Variants in COL4A2 observed in about 807,000 individuals in gnomAD.
COL4A2 encodes the protein collagen alpha-2(IV) chain.
In COL4A2, 99 loss-of-function variants were observed where a neutral mutation model predicts 200.2. The observed-to-expected ratio is 0.49, with a 90% CI of 0.42 to 0.58. The LOEUF (loss-of-function observed/expected upper bound fraction) is 0.58. Among genes scored for constraint, COL4A2 ranks in the 20% least tolerant of loss-of-function variants. COL4A2 has a pLI of 0.00. For synonymous variants in COL4A2, 897 were observed against 900.6 expected (o/e 1.00, Z 0.07); for missense variants, 1,950 against 2,314.1 (o/e 0.84, Z 3.23).
Position 110,449,694 on chromosome 13 carries a change from C to G in COL4A2, c.1094C>G (p.Pro365Arg). Residue 365 changes from proline to arginine, a missense_variant, in exon 19 of 48, where the codon CCG becomes CGG. This residue lies in a region of COL4A2 where 565 missense variants were observed against 593.5 expected (regional missense o/e 0.95). Transcript: ENST00000360467. The part of the protein sequence containing the change: ...PSLAKGARGD[P>R]GFPGAQGEPG... ...TCCCTTCCAGGTGCCAGAGGTGACCCGGGATTCCCAGGGGCCCAAGGGGAG... is the reference window on the plus strand; with the variant it reads ...TCCCTTCCAGGTGCCAGAGGTGACCGGGGATTCCCAGGGGCCCAAGGGGAG... 23 of 1,548,710 alleles carry G rather than the reference C, an allele frequency of 1.5e-5. No homozygotes were observed. The highest frequency in any genetic ancestry group is 2.0e-5 in the Non-Finnish European group (23 of 1,145,404).
chr13:110,324,493 G>T (rs1885354740), intron 3 of COL4A2, among the ~76,000 whole-genome samples: 1 of 152,246 alleles, frequency 6.6e-6, no homozygotes, highest in African/African-American at 2.4e-5. Flanking sequence ...TCGCCTGAAT[G>T]CATGAGAAAG....
At chr13:110,436,091 T>C in intron 12 of COL4A2, 178 bp from the exon 13 acceptor site, 1 of 920,282 alleles carries the variant, frequency 1.1e-6, no homozygotes, top group Non-Finnish European at 1.7e-6. Context: ...AAGGAGGATA[T>C]AAAAAACTTA....
chr13:110,372,236 G>A (rs1878044225), intron 4 of COL4A2, among the ~76,000 whole-genome samples: 1 of 152,226 alleles, frequency 6.6e-6, no homozygotes, highest in Non-Finnish European at 1.5e-5. Context: ...AGAGGACCCT[G>A]TGCGGGGGTG....
At chr13:110,434,566 A>G (rs1880802458) in intron 12 of COL4A2, 124 bp downstream of exon 12, 1 of 938,790 alleles carries the variant, frequency 1.1e-6, no homozygotes, top group Admixed American at 2.1e-5. Flanking sequence ...CAGACAGACC[A>G]TTTGCATAGG....
intron 34 of COL4A2, among the ~76,000 whole-genome samples, chr13:110,487,623 G>C (rs1282101178): frequency 6.6e-6 from 1 of 152,196 alleles, no homozygotes; most frequent in Non-Finnish European, 1.5e-5. Flanking sequence ...CATTATCTGT[G>C]CATTTTATCT....
At chr13:110,430,027 C>G in intron 8 of COL4A2, 71 bp downstream of exon 8, 1 of 1,423,260 alleles carries the variant, frequency 7.0e-7, no homozygotes, top group Non-Finnish European at 9.5e-7. Flanking sequence ...AAGTTAATTG[C>G]CAAGTGAACT....
chr13:110,379,328 A>C (rs1286197011), intron 4 of COL4A2, among the ~76,000 whole-genome samples: 1 of 152,218 alleles, frequency 6.6e-6, no homozygotes, highest in Non-Finnish European at 1.5e-5. Context: ...CAGCACCCTA[A>C]GCTAAGAGGC....
intron 31 of COL4A2, among the ~76,000 whole-genome samples, chr13:110,481,623 T>TTGCTGGAGACACACTGTTCTGTCCCTCCG (rs1882924288): frequency 4.0e-5 from 1 of 25,238 alleles, no homozygotes; most frequent in African/African-American, 1.6e-4. Flanking sequence ...TGTCCCTCCG[T>TTGCTGGAGACACACTGTTCTGTCCCTCCG]TGCTGGAGAC....
At chr13:110,479,000 T>C (rs1882799032) in intron 30 of COL4A2, among the ~76,000 whole-genome samples, 1 of 152,198 alleles carries the variant, frequency 6.6e-6, no homozygotes, top group Non-Finnish European at 1.5e-5. Context: ...ACACACTGGC[T>C]TCCCCCATGT....
At chr13:110,373,204 C>T (rs1409414339) in intron 4 of COL4A2, among the ~76,000 whole-genome samples, 1 of 152,160 alleles carries the variant, frequency 6.6e-6, no homozygotes, top group African/African-American at 2.4e-5. Context: ...TGGAACAACC[C>T]AAACTTTAGG....
intron 32 of COL4A2, among the ~76,000 whole-genome samples, chr13:110,483,053 G>A (rs1278784870): frequency 1.3e-5 from 2 of 152,188 alleles, no homozygotes; most frequent in African/African-American, 2.4e-5. Context: ...CTTTCCAGGT[G>A]GAAGGACATA....
chr13:110,313,189 T>C (rs1885032941), intron 3 of COL4A2, among the ~76,000 whole-genome samples: 2 of 151,958 alleles, frequency 1.3e-5, no homozygotes, highest in South Asian at 4.2e-4. Context: ...AAGGGCAGAG[T>C]TCCTGGATAG....
chr13:110,314,446 C>T (rs1317615255), intron 3 of COL4A2, among the ~76,000 whole-genome samples: 1 of 152,198 alleles, frequency 6.6e-6, no homozygotes, highest in African/African-American at 2.4e-5. Context: ...AAGTCTCTTC[C>T]ACTTAGTGGA....
rs1566559676 is a variant in COL4A2, at chr13:110,481,765, TCCCTCCATTGCTGGAGACACACTGC to T, written c.2759-750_2759-726del. ...CCGTTGCTGGAGACACACAGTTCTGTCCCTCCATTGCTGGAGACACACTGCTCTGTCCCTCCGTTGCTGGAGACAC... is the reference window on the plus strand; with the variant it reads ...CCGTTGCTGGAGACACACAGTTCTGTTCTGTCCCTCCGTTGCTGGAGACAC... On this transcript the variant is annotated intron_variant, in intron 31 of 47. Coordinates refer to ENST00000360467, the MANE Select transcript of COL4A2 (RefSeq NM_001846.4). 1.8e-3 allele frequency among the ~76,000 whole-genome samples: 49 copies of T among 26,860 alleles called. 3 individuals carry two copies. Among genetic ancestry groups the T allele is most frequent in the African/African-American group, 6.7e-3 (45 of 6,736 alleles). The allele number at this position is 26,860 out of a possible 152,430, so 17.6% of individuals were successfully genotyped here. A position where few individuals can be genotyped will look rare whatever the true frequency, so the allele number is the denominator to read the frequency against.
At chr13:110,509,285 A>T (rs1330149267) in intron 47 of COL4A2, among the ~76,000 whole-genome samples, 1 of 146,554 alleles carries the variant, frequency 6.8e-6, no homozygotes, top group Non-Finnish European at 1.5e-5. Context: ...ACACACACAC[A>T]CACACACACA....
intron 34 of COL4A2, among the ~76,000 whole-genome samples, chr13:110,488,485 G>A (rs753721856): frequency 9.2e-5 from 14 of 152,104 alleles, no homozygotes; most frequent in South Asian, 2.1e-4. Context: ...GGAAGCCACC[G>A]AGCAACTCAG....
chr13:110,498,414 G>A (rs962757699), intron 40 of COL4A2, among the ~76,000 whole-genome samples: 6 of 152,160 alleles, frequency 3.9e-5, no homozygotes, highest in East Asian at 1.9e-4. Flanking sequence ...AGGAGATCCC[G>A]CACAGGGAGG....
At position 110,503,417 on chromosome 13, in the gene COL4A2, T is replaced by C; in HGVS notation, c.4074T>C (p.Thr1358=). ...GTGAACAAGGCTTCATGGGGAACAC[T>C]GGACCCACTGGGGCGGTGGGCGACA... ...PRGEQGFMGN[T]GPTGAVGDRG... is the part of the protein sequence containing the mutation. The change falls in exon 43 of 48, where the codon ACT becomes ACC. Residue 1358 remains threonine (T), a synonymous_variant. Coordinates refer to ENST00000360467, the MANE Select transcript of COL4A2 (RefSeq NM_001846.4). 1.3e-6 allele frequency: 2 copies of C among 1,596,754 alleles called. No homozygotes were observed. Among genetic ancestry groups the C allele is most frequent in the Non-Finnish European group, 1.7e-6 (2 of 1,171,484 alleles).
chr13:110,403,190 T>C (rs1440712337), intron 4 of COL4A2, among the ~76,000 whole-genome samples: 1 of 152,230 alleles, frequency 6.6e-6, no homozygotes, highest in Non-Finnish European at 1.5e-5. Context: ...CGATGTTCTC[T>C]GCTGAACATG....
Sources: gnomAD v4.1 joint callset for allele counts (sites outside exome capture counted in the v4.1 genomes callset) on GRCh38, gnomAD v4.1.1 for gene constraint, gnomAD v4.1.1 regional missense constraint, MANE v1.5 for transcripts, NCBI Gene and HGNC (gene_info 2026-07-23, HGNC 2026-07-21) for gene names.